Variants in CDH13 observed in about 807,000 individuals in gnomAD.
CDH13 encodes cadherin 13.
CDH13 carries 24 observed loss-of-function variants against 63.8 expected under a neutral mutation model. The observed-to-expected ratio is 0.38, with a 90% CI of 0.27 to 0.53. The LOEUF (loss-of-function observed/expected upper bound fraction) is 0.53. Among genes scored for constraint, CDH13 ranks in the 20% least tolerant of loss-of-function variants. The pLI, the probability that CDH13 is intolerant of heterozygous loss-of-function variation, is 0.85. For synonymous variants in CDH13, 503 were observed against 355.3 expected, an observed-to-expected ratio of 1.42 and a Z score of -4.67; for missense variants, 1,049 against 903.1, an observed-to-expected ratio of 1.16 and a Z score of -2.07.
intron 4 of CDH13, among the ~76,000 whole-genome samples, chr16:83,150,056 TTTTG>T (rs1198344383): frequency 6.6e-6 from 1 of 152,166 alleles, no homozygotes; most frequent in East Asian, 1.9e-4. Context: ...TAAGACTGAT[TTTTG>T]CCTCTCTAGA....
intron 8 of CDH13, among the ~76,000 whole-genome samples, chr16:83,664,201 A>G (rs1312719706): frequency 3.3e-5 from 5 of 152,092 alleles, no homozygotes; most frequent in Admixed American, 6.5e-5. Context: ...GACTAGGACT[A>G]TGATGATCTG....
At chr16:83,275,041 G>GA (rs1184440057) in intron 5 of CDH13, among the ~76,000 whole-genome samples, 1 of 152,088 alleles carries the variant, frequency 6.6e-6, no homozygotes, top group African/African-American at 2.4e-5. Context: ...CAGAGAACTT[G>GA]TCTGTCACTT....
chr16:82,977,593 A>G (rs1909696976), intron 2 of CDH13, among the ~76,000 whole-genome samples: 1 of 152,042 alleles, frequency 6.6e-6, no homozygotes, highest in South Asian at 2.1e-4. Context: ...ATGATTGTAA[A>G]TTTCCTGAGA....
intron 5 of CDH13, among the ~76,000 whole-genome samples, chr16:83,251,939 G>C (rs1597597457): frequency 6.6e-6 from 1 of 151,952 alleles, no homozygotes; most frequent in African/African-American, 2.4e-5. Context: ...CCCTGAGGGA[G>C]TGCCTCTTTC....
In CDH13 at chr16:83,508,099, A is replaced by AAG. The variant is rs1491205296; in HGVS notation, c.960+21444_960+21445insAG. ...AGGAAGGAAGGAAGGAAGGAAGGAA[A>AAG]GAAGGAAGGAAAAGGAAGGAAGGGA... On this transcript the variant is annotated intron_variant, in intron 7 of 13. Coordinates refer to ENST00000567109, the MANE Select transcript of CDH13 (RefSeq NM_001257.5). 7.6e-3 allele frequency among the ~76,000 whole-genome samples: 454 copies of AAG among 59,784 alleles called. 16 individuals carry two copies. The highest frequency in any genetic ancestry group is 0.023 in the South Asian group (27 of 1,168). 39.2% of individuals were successfully genotyped at this position (59,784 alleles called of 152,430 possible). A position where few individuals can be genotyped will look rare whatever the true frequency, so the allele number is the denominator to read the frequency against.
chr16:83,315,422 T>G (rs1372494126), intron 5 of CDH13, among the ~76,000 whole-genome samples: 2 of 152,204 alleles, frequency 1.3e-5, no homozygotes, highest in Non-Finnish European at 1.5e-5. Context: ...GTGTGCACAT[T>G]TAAACCTCAC....
intron 5 of CDH13, among the ~76,000 whole-genome samples, chr16:83,340,716 A>G (rs534895963): frequency 1.3e-5 from 2 of 152,206 alleles, no homozygotes; most frequent in Non-Finnish European, 2.9e-5. Context: ...ACCTTTGAAT[A>G]GCAAGGTACT....
intron 4 of CDH13, among the ~76,000 whole-genome samples, chr16:83,216,447 C>CAG (rs1217086311): frequency 0.04 from 1,320 of 33,060 alleles, 87 homozygotes; most frequent in Non-Finnish European, 0.083. Flanking sequence ...TATATATACA[C>CAG]AACCCTAATT....
chr16:83,102,400 C>T (rs540682742), intron 3 of CDH13, among the ~76,000 whole-genome samples: 169 of 152,330 alleles, frequency 1.1e-3, no homozygotes, highest in African/African-American at 3.9e-3. Context: ...AGCAAATCTG[C>T]AGGCTCTGAA....
chr16:83,039,815 C>T (rs953386685), intron 3 of CDH13, among the ~76,000 whole-genome samples: 1 of 152,192 alleles, frequency 6.6e-6, no homozygotes, highest in East Asian at 1.9e-4. Context: ...TCCCTTCACA[C>T]TGGCTACTCC....
chr16:83,743,748 C>CTTTTTTTTTCTTTTTT (rs1912283508), intron 10 of CDH13, among the ~76,000 whole-genome samples: 1 of 76,258 alleles, frequency 1.3e-5, no homozygotes, highest in Non-Finnish European at 2.2e-5. Context: ...TTTCTTTTTT[C>CTTTTTTTTTCTTTTTT]TTTTTTTTTT....
intron 2 of CDH13, among the ~76,000 whole-genome samples, chr16:82,893,655 C>T (rs1053326842): frequency 3.3e-5 from 5 of 152,104 alleles, no homozygotes; most frequent in Non-Finnish European, 4.4e-5. Context: ...TGCCTCTGAG[C>T]GAAAGCTCAG....
intron 1 of CDH13, among the ~76,000 whole-genome samples, chr16:82,679,840 C>T (rs1035451066): frequency 7.9e-5 from 12 of 152,160 alleles, no homozygotes; most frequent in African/African-American, 2.9e-4. Flanking sequence ...GATTTTAAAA[C>T]ATTTGAAACA....
At chr16:82,966,701 A>G (rs976193548) in intron 2 of CDH13, among the ~76,000 whole-genome samples, 10 of 152,102 alleles carry the variant, frequency 6.6e-5, no homozygotes, top group Non-Finnish European at 1.2e-4. Flanking sequence ...TTTAGTTCAA[A>G]TTTTTCAAAT....
intron 7 of CDH13, among the ~76,000 whole-genome samples, chr16:83,511,975 G>T (rs1348960697): frequency 6.6e-6 from 1 of 152,090 alleles, no homozygotes; most frequent in Non-Finnish European, 1.5e-5. Context: ...CCAGCACATG[G>T]TTAGTCCTCA....
intron 2 of CDH13, among the ~76,000 whole-genome samples, chr16:82,896,994 G>C (rs2041293063): frequency 7.3e-6 from 1 of 137,824 alleles, no homozygotes; most frequent in African/African-American, 2.8e-5. Flanking sequence ...TGTTAGCCAG[G>C]ATGGTCTCAG....
intron 6 of CDH13, among the ~76,000 whole-genome samples, chr16:83,413,757 G>A (rs2092160746): frequency 1.3e-5 from 2 of 152,108 alleles, no homozygotes; most frequent in African/African-American, 4.8e-5. Context: ...GGAGGCTGAG[G>A]CGAGAGGATC....
intron 7 of CDH13, among the ~76,000 whole-genome samples, chr16:83,533,184 G>A (rs747516773): frequency 6.6e-6 from 1 of 152,202 alleles, no homozygotes; most frequent in Non-Finnish European, 1.5e-5. Context: ...GATGCCAGCA[G>A]CTGGTGTCAC....
intron 6 of CDH13, among the ~76,000 whole-genome samples, chr16:83,364,153 C>G (rs1333343028): frequency 3.3e-5 from 5 of 152,102 alleles, no homozygotes; most frequent in Non-Finnish European, 5.9e-5. Flanking sequence ...TCATGGGGAC[C>G]AAGCATCCAT....
Sources: allele counts gnomAD v4.1 joint callset (sites outside exome capture counted in the v4.1 genomes callset), GRCh38; gene constraint gnomAD v4.1.1; transcripts MANE v1.5; gene names NCBI Gene and HGNC (gene_info 2026-07-23, HGNC 2026-07-21).